The following ACSF3 variants were observed in gnomAD, a reference collection of about 807,000 sequenced individuals.
The protein encoded by ACSF3 is acyl-CoA synthetase family member 3.
Under a neutral mutation model 53.2 loss-of-function variants are expected in ACSF3, and 78 were observed. The observed-to-expected ratio is 1.47, with a 90% confidence interval of 1.22 to 1.77. The LOEUF (loss-of-function observed/expected upper bound fraction) is 1.77, where lower values mean the gene tolerates loss of function less well. ACSF3 is among the 40% of genes most tolerant of loss of function. ACSF3 has a pLI of 0.00. For missense variants in ACSF3, 937 were observed against 771.1 expected, an observed-to-expected ratio of 1.22 and a Z score of -2.55; for synonymous variants, 414 against 333.1, an observed-to-expected ratio of 1.24 and a Z score of -2.65.
intron 4 of ACSF3, 56 bp from the exon 5 acceptor site, chr16:89,112,036 G>A (rs1976731577): frequency 4.1e-5 from 7 of 171,762 alleles, no homozygotes; most frequent in Non-Finnish European, 4.0e-5. Context: ...AGGAGCCTCC[G>A]CCACGGGCCC....
chr16:89,100,015 C>G (rs1192958377), intron 2 of ACSF3, among the ~76,000 whole-genome samples: 1 of 150,438 alleles, frequency 6.6e-6, no homozygotes, highest in Non-Finnish European at 1.5e-5. Flanking sequence ...GTATCACATG[C>G]TTGTGGGCCC....
In ACSF3 at chr16:89,155,021, C is replaced by G. The variant is rs770203720; in HGVS notation, c.*814C>G. 6.6e-6 allele frequency: 3 copies of G among 454,132 alleles called. No homozygotes were observed. The highest frequency in any genetic ancestry group is 3.1e-5 in the South Asian group (2 of 64,470). 28.1% of individuals were successfully genotyped at this position (454,132 alleles called of 1,614,324 possible). On this transcript the variant is annotated 3_prime_UTR_variant, in exon 11 of 11. Coordinates refer to ENST00000614302, the MANE Select transcript of ACSF3 (RefSeq NM_001243279.3). ...GCCCCCATTTCATGTCTGTGGCTCA[C>G]CAGCTTTTCCCCAGACCCAGCTCCG...
chr16:89,145,278 G>T lies in ACSF3; in HGVS notation c.1378G>T (p.Val460Leu). Residue 460 changes from valine (V) to leucine (L), a missense_variant, in exon 9 of 11, where the codon GTG (valine) becomes TTG (leucine). Val to Leu is a conservative substitution (Grantham distance 32, BLOSUM62 1). Transcript: ENST00000614302. ...DGWFKTGDTV[V>L]FKDGQYWIRG... is the part of the protein sequence containing the mutation. ...CCCCTTTTCCTCAGGGGACACCGTGGTGTTTAAGGATGGCCAGTACTGGAT... is the reference window on the plus strand; with the variant it reads ...CCCCTTTTCCTCAGGGGACACCGTGTTGTTTAAGGATGGCCAGTACTGGAT... 6 of 1,614,162 alleles carry T rather than the reference G, an allele frequency of 3.7e-6. No individual in the cohort carries two copies. The highest frequency in any genetic ancestry group is 5.1e-6 in the Non-Finnish European group (6 of 1,180,018).
chr16:89,136,731 C>G (rs1407626705), intron 8 of ACSF3: 1 of 1,287,310 alleles, frequency 7.8e-7, no homozygotes, highest in African/African-American at 1.5e-5. Flanking sequence ...CCACCTGCCT[C>G]TGTGCCTACA....
chr16:89,122,044 G>A (rs8062593), intron 7 of ACSF3, among the ~76,000 whole-genome samples: 92,909 of 122,066 alleles, frequency 0.76, 34,703 homozygotes, highest in Middle Eastern at 0.82. Context: ...CTGTTTCCCC[G>A]TGGAAACCTC....
chr16:89,103,310 A>G (rs1303140546), intron 4 of ACSF3, among the ~76,000 whole-genome samples: 1 of 152,216 alleles, frequency 6.6e-6, no homozygotes, highest in Non-Finnish European at 1.5e-5. Context: ...ACATGCTTGG[A>G]GGCCAGGATT....
chr16:89,153,830 C>T (rs1914407809), intron 10 of ACSF3: 3 of 529,888 alleles, frequency 5.7e-6, no homozygotes, highest in African/African-American at 1.9e-5. Flanking sequence ...GGTGTGCCCT[C>T]GCCCAAGGCC....
rs766368598 is a variant in ACSF3, at chr16:89,150,990, A to T, written c.1614-3100A>T. 63 of 1,284,264 alleles carry T rather than the reference A, an allele frequency of 4.9e-5. 1 individual carries two copies. Among genetic ancestry groups the T allele is most frequent in the Non-Finnish European group, 6.3e-5 (62 of 984,828 alleles). The allele number at this position is 1,284,264 out of a possible 1,614,324, so 79.6% of individuals were successfully genotyped here. ...GAAGATATCCAGGGAGGAAATTCAC[A>T]GTCAAATTTCCCCAAACCAAAGGTC... On this transcript the variant is annotated intron_variant, in intron 10 of 10. Transcript: ENST00000614302.
chr16:89,116,148 C>G (rs573309491), intron 6 of ACSF3, among the ~76,000 whole-genome samples: 1 of 152,216 alleles, frequency 6.6e-6, no homozygotes, highest in Non-Finnish European at 1.5e-5. Context: ...GACCACAGTT[C>G]TTTTTTAGTG....
chr16:89,124,954 C>G (rs917744147), intron 7 of ACSF3, among the ~76,000 whole-genome samples: 4 of 152,242 alleles, frequency 2.6e-5, no homozygotes, highest in Admixed American at 2.0e-4. Context: ...ATTATCTTGA[C>G]TGTTGTGGTT....
intron 9 of ACSF3, 91 bp from the exon 10 acceptor site, chr16:89,145,847 G>A: frequency 6.2e-6 from 7 of 1,122,642 alleles, no homozygotes; most frequent in Non-Finnish European, 8.2e-6. Flanking sequence ...GCTGCGGCCA[G>A]ACTGCGCTCT....
rs1206275245 is a variant in ACSF3 at position 89,155,172 on chromosome 16, G to A, written c.*965G>A. ...CAGGGGCCACATGCAGAATCCAGAA[G>A]TTTCTGGACAATTTTCAGAAGAATA... On this transcript the variant is annotated 3_prime_UTR_variant, in exon 11 of 11. Transcript: ENST00000614302. 6.6e-6 allele frequency: 3 copies of A among 454,050 alleles called. No homozygotes were observed. The highest frequency in any genetic ancestry group is 6.0e-5 in the African/African-American group (3 of 50,014). The allele number at this position is 454,050 out of a possible 1,614,324, so 28.1% of individuals were successfully genotyped here. A position where few individuals can be genotyped will look rare whatever the true frequency, so the allele number is the denominator to read the frequency against.
At chr16:89,103,014 A>G (rs540896327) in intron 4 of ACSF3, among the ~76,000 whole-genome samples, 18 of 152,220 alleles carry the variant, frequency 1.2e-4, no homozygotes, top group South Asian at 1.0e-3. Context: ...ATACGTACCT[A>G]TGATAAAGCT....
At chr16:89,143,696 G>GACTACCCCAGGGGCGCAGTGAGACC in intron 8 of ACSF3, among the ~76,000 whole-genome samples, 1 of 152,140 alleles carries the variant, frequency 6.6e-6, no homozygotes, top group South Asian at 2.1e-4. Flanking sequence ...CAGCCGCCCA[G>GACTACCCCAGGGGCGCAGTGAGACC]ACTACCCCAG....
chr16:89,137,200 A>G (rs561376037), intron 8 of ACSF3, among the ~76,000 whole-genome samples: 2 of 152,292 alleles, frequency 1.3e-5, no homozygotes, highest in Admixed American at 6.5e-5. Context: ...AGGAAACCTG[A>G]TAACCGAACT....
intron 6 of ACSF3, 157 bp downstream of exon 6, chr16:89,114,644 C>G: frequency 9.5e-7 from 1 of 1,053,632 alleles, no homozygotes; most frequent in Non-Finnish European, 1.4e-6. Context: ...TCAGGATGCA[C>G]TGCGACCTGT....
chr16:89,122,339 C>A, intron 7 of ACSF3: 2 of 387,402 alleles, frequency 5.2e-6, no homozygotes, highest in Non-Finnish European at 5.2e-6. Flanking sequence ...TGGGTGGCTG[C>A]CCCTTGCTAT....
In ACSF3 at chr16:89,154,188, G is replaced by A; in HGVS notation, c.1712G>A (p.Arg571Lys). The A allele has an allele frequency of 6.2e-7, 1 of 1,613,590 alleles. No homozygotes were observed. Residue 571 changes from arginine (R) to lysine (K), a missense_variant, in exon 11 of 11, where the codon AGG becomes AAG. By Grantham distance (26) the Arg-to-Lys change is conservative. Coordinates refer to ENST00000614302, the MANE Select transcript of ACSF3 (RefSeq NM_001243279.3). ...MGKIDKKALI[R>K]HFHPS ...AAGATTGACAAGAAGGCGCTCATCA[G>A]GCACTTCCACCCCTCATGACCCGGC...
Position 89,123,485 on chromosome 16 carries a change from G to C in ACSF3, c.1239+2572G>C, listed in dbSNP as rs185736693. ...ACTACCACGGTCCCGGATCCACGTGGCTCAAGTGAGGCTGTGGCCGACAGC... is the reference window on the plus strand; with the variant it reads ...ACTACCACGGTCCCGGATCCACGTGCCTCAAGTGAGGCTGTGGCCGACAGC... On this transcript the variant is annotated intron_variant, in intron 7 of 10. Transcript: ENST00000614302. Among the ~76,000 whole-genome samples, 344 of 152,298 alleles carry C rather than the reference G, an allele frequency of 2.3e-3. 1 individual carries two copies. The highest frequency in any genetic ancestry group is 3.7e-3 in the Non-Finnish European group (253 of 68,010).
Sources: allele counts gnomAD v4.1 joint callset (sites outside exome capture counted in the v4.1 genomes callset), GRCh38; gene constraint gnomAD v4.1.1; transcripts MANE v1.5; gene names NCBI Gene and HGNC (gene_info 2026-07-23, HGNC 2026-07-21).